Variants in FERMT3 observed in about 807,000 individuals in gnomAD.
FERMT3 encodes the protein FERM domain containing kindlin 3.
A neutral mutation model predicts 80.8 loss-of-function variants in FERMT3; 33 were observed. The observed-to-expected ratio is 0.41, with a 90% CI of 0.31 to 0.55. The LOEUF (loss-of-function observed/expected upper bound fraction) is 0.55. FERMT3 is among the 20% of genes least tolerant of loss of function. The pLI, the probability that FERMT3 is intolerant of heterozygous loss-of-function variation, is 0.31. For synonymous variants in FERMT3, 375 were observed against 372.2 expected (o/e 1.01, Z -0.09); for missense variants, 754 against 908.7 (o/e 0.83, Z 2.19).
Position 64,211,936 on chromosome 11 carries a change from C to T in FERMT3, c.786+189C>T, listed in dbSNP as rs1946452340. ...TCATCTACTCACCTCAGCATCAGGC[C>T]AGGTCCTGGGCCCCGGGCAGATGCT... On this transcript the variant is annotated intron_variant, in intron 6 of 14. Transcript: ENST00000345728. The surrounding 1 kb of genome is among the most constrained non-coding windows in gnomAD (Gnocchi z 4.7). Among the ~76,000 whole-genome samples, 1 of 152,196 alleles carries T rather than the reference C, an allele frequency of 6.6e-6. No individual in the cohort carries two copies.
rs75748649 is a variant in FERMT3, at chr11:64,215,483, C to T, written c.786+3736C>T. 1.1e-3 allele frequency among the ~76,000 whole-genome samples: 172 copies of T among 152,172 alleles called. 1 individual carries two copies. The highest frequency in any genetic ancestry group is 3.9e-3 in the African/African-American group (164 of 41,526). On this transcript the variant is annotated intron_variant, in intron 6 of 14. Coordinates refer to ENST00000345728, the MANE Select transcript of FERMT3 (RefSeq NM_031471.6). ...TAAATACATTGTGAATATATTTTCC[C>T]CCTCTGTGCTTTGCCTTTTAATTGT...
At chr11:64,213,697 A>G (rs1335011944) in intron 6 of FERMT3, among the ~76,000 whole-genome samples, 1 of 149,902 alleles carries the variant, frequency 6.7e-6, no homozygotes, top group Non-Finnish European at 1.5e-5. Context: ...AGCTGGGATT[A>G]CAGGCGTTGA....
rs370408444 is a variant in FERMT3, at chr11:64,219,302, C to A, written c.838C>A (p.Leu280Met). The A allele has an allele frequency of 1.1e-5, 17 of 1,609,472 alleles. No individual in the cohort carries two copies. The highest frequency in any genetic ancestry group is 1.1e-5 in the Non-Finnish European group (13 of 1,178,232). Reference protein sequence around the residue: ...QLYEQARWDLLLEEIDCTEEE... With the variant: ...QLYEQARWDLMLEEIDCTEEE... ...GTATGAGCAGGCCCGGTGGGACCTG[C>A]TGCTGGAGGAGATTGACTGCACCGA... is the stretch of plus-strand genomic sequence containing the variant. The change falls in exon 7 of 15, where the codon CTG becomes ATG. Residue 280 changes from leucine to methionine, a missense_variant. Coordinates refer to ENST00000345728, the MANE Select transcript of FERMT3 (RefSeq NM_031471.6). This position sits in a 1 kb window ranked among gnomAD's most constrained non-coding sequence, Gnocchi z 4.0.
rs371970022 is a variant in FERMT3, at chr11:64,207,635, G to A, written c.160+111G>A. The A allele has an allele frequency of 6.6e-5, 87 of 1,320,446 alleles. 2 individuals are homozygous for A. The East Asian group carries it at 7.4e-4, about 11-fold the overall frequency. 81.8% of individuals were successfully genotyped at this position (1,320,446 alleles called of 1,614,324 possible). ...GCTCAGCTCCCGATAATGGTGTCAC[G>A]GTGACTCAGGCATTAGCTTAATCAT... is the stretch of plus-strand genomic sequence containing the variant. On this transcript the variant is annotated intron_variant, in intron 2 of 14. Coordinates refer to ENST00000345728, the MANE Select transcript of FERMT3 (RefSeq NM_031471.6).
In FERMT3 at chr11:64,220,498, C is replaced by T. The variant is rs762230079; in HGVS notation, c.1374C>T (p.Ala458=). 2.7e-5 allele frequency: 44 copies of T among 1,608,452 alleles called. No homozygotes were observed. Among genetic ancestry groups the T allele is most frequent in the Middle Eastern group, 1.6e-4 (1 of 6,078 alleles). ...CRLASKGRTM[A]DSSYTSEVQA... ...TGGCCTCCAAAGGCCGCACCATGGC[C>T]GACAGCAGCTACACCAGCGAGGTGC... is the stretch of plus-strand genomic sequence containing the variant. Residue 458 remains alanine (A), a synonymous_variant, in exon 12 of 15, where the codon GCC becomes GCT. Transcript: ENST00000345728.
chr11:64,207,750 A>G (rs1591023013), intron 2 of FERMT3: 1 of 553,194 alleles, frequency 1.8e-6, no homozygotes, highest in African/African-American at 1.9e-5. Context: ...GCTAAGGATC[A>G]GACGCAGCCA....
Position 64,223,657 on chromosome 11 carries a change from A to T in FERMT3, c.*165A>T. On this transcript the variant is annotated 3_prime_UTR_variant, in exon 15 of 15. Transcript: ENST00000345728. ...CAGGCCAAGGACCTGGCAGGGCCAG[A>T]CGCTGTACCATCACCCAGGCCAGGG... 1 of 900,912 alleles carries T rather than the reference A, an allele frequency of 1.1e-6. No homozygotes were observed. The highest frequency in any genetic ancestry group is 1.7e-6 in the Non-Finnish European group (1 of 585,374). The allele number at this position is 900,912 out of a possible 1,614,324, so 55.8% of individuals were successfully genotyped here.
In FERMT3 at chr11:64,211,004, G is replaced by T; in HGVS notation, c.395-48G>T. The T allele has an allele frequency of 6.2e-7, 1 of 1,608,376 alleles. No individual in the cohort carries two copies. The highest frequency in any genetic ancestry group is 8.5e-7 in the Non-Finnish European group (1 of 1,177,818). On this transcript the variant is annotated intron_variant, in intron 3 of 14. Transcript: ENST00000345728. This position sits in a 1 kb window ranked among gnomAD's most constrained non-coding sequence, Gnocchi z 4.7. ...CCCAAGCACCCATGGGTGAGGTGGG[G>T]AGGCTGCAGCAGGACCTAGTCCCCG... is the stretch of plus-strand genomic sequence containing the variant.
At chr11:64,209,838 C>T (rs1946397738) in intron 2 of FERMT3, among the ~76,000 whole-genome samples, 1 of 152,174 alleles carries the variant, frequency 6.6e-6, no homozygotes, top group Non-Finnish European at 1.5e-5. Flanking sequence ...AGCTTTCCGG[C>T]AGCCTTTTTC....
Position 64,223,094 on chromosome 11 carries a change from C to G in FERMT3, c.1717C>G (p.Arg573Gly). 1 of 1,613,918 alleles carries G rather than the reference C, an allele frequency of 6.2e-7. No homozygotes were observed. Among genetic ancestry groups the G allele is most frequent in the Non-Finnish European group, 8.5e-7 (1 of 1,180,044 alleles). The part of the protein sequence containing the change: ...KDEILGIANN[R>G]LIRIDLAVGD... ...CGAGATCCTGGGCATCGCCAACAAC[C>G]GACTGATCCGCATCGACTTGGCCGT... Residue 573 changes from arginine to glycine, a missense_variant, in exon 14 of 15, where the codon CGA becomes GGA. Coordinates refer to ENST00000345728, the MANE Select transcript of FERMT3 (RefSeq NM_031471.6).
chr11:64,207,238 C>T, intron 1 of FERMT3, 113 bp from the exon 2 acceptor site: 2 of 1,287,310 alleles, frequency 1.6e-6, no homozygotes, highest in Non-Finnish European at 2.2e-6. Flanking sequence ...CTCCCGCCCT[C>T]CTTCATGAGC....
At position 64,210,294 on chromosome 11, in the gene FERMT3, C is replaced by G. The variant is rs982959053; in HGVS notation, c.161-317C>G. Among the ~76,000 whole-genome samples, 1 of 151,844 alleles carries G rather than the reference C, an allele frequency of 6.6e-6. No individual in the cohort carries two copies. Among genetic ancestry groups the G allele is most frequent in the Non-Finnish European group, 1.5e-5 (1 of 67,878 alleles). ...GTGGATTATGGGAGGACAGAGGGGG[C>G]GTCATGTGGAGGGAGCCCAGTGGGC... On this transcript the variant is annotated intron_variant, in intron 2 of 14. Coordinates refer to ENST00000345728, the MANE Select transcript of FERMT3 (RefSeq NM_031471.6). The surrounding 1 kb of genome is among the most constrained non-coding windows in gnomAD (Gnocchi z 4.3).
rs577691940 is a variant in FERMT3 at position 64,207,534 on chromosome 11, C to T, written c.160+10C>T. On this transcript the variant is annotated intron_variant, in intron 2 of 14. Coordinates refer to ENST00000345728, the MANE Select transcript of FERMT3 (RefSeq NM_031471.6). The stretch of plus-strand genomic sequence containing the variant: ...ATTGTGGAGCAGATCAGTGAGTGTC[C>T]GCTGCCCGCTTGCTGAACTCGGCAC... The T allele has an allele frequency of 4.0e-5, 64 of 1,593,330 alleles. No homozygotes were observed. In the East Asian group the frequency reaches 5.2e-4, roughly 13 times the overall value.
intron 1 of FERMT3, 116 bp from the exon 2 acceptor site, chr11:64,207,235 C>T: frequency 1.6e-6 from 2 of 1,245,378 alleles, no homozygotes; most frequent in Non-Finnish European, 2.3e-6. Context: ...TCACTCCCGC[C>T]CTCCTTCATG....
At chr11:64,222,131 C>T (rs978450703) in intron 13 of FERMT3, among the ~76,000 whole-genome samples, 34 of 151,212 alleles carry the variant, frequency 2.2e-4, no homozygotes, top group African/African-American at 6.3e-4. Flanking sequence ...CCCAGCTACT[C>T]GGGAGGCTGA....
At chr11:64,212,683 G>C (rs1277342017) in intron 6 of FERMT3, among the ~76,000 whole-genome samples, 2 of 151,520 alleles carry the variant, frequency 1.3e-5, no homozygotes, top group Non-Finnish European at 2.9e-5. Context: ...ACTCTGCCAG[G>C]CTCTGTGATG....
At chr11:64,217,595 C>T (rs901418021) in intron 6 of FERMT3, among the ~76,000 whole-genome samples, 5 of 152,176 alleles carry the variant, frequency 3.3e-5, no homozygotes, top group East Asian at 3.8e-4. Flanking sequence ...ACCCCCACCC[C>T]GTCCAGCTGT....
chr11:64,218,286 G>C (rs1359117845), intron 6 of FERMT3, among the ~76,000 whole-genome samples: 1 of 148,510 alleles, frequency 6.7e-6, no homozygotes, highest in African/African-American at 2.5e-5. Flanking sequence ...TTACAGGCGT[G>C]AGCCACTGCG....
In FERMT3 at chr11:64,210,602, G is replaced by A; in HGVS notation, c.161-9G>A. On this transcript the variant is annotated splice_polypyrimidine_tract_variant and intron_variant, in intron 2 of 14. Transcript: ENST00000345728. This position sits in a 1 kb window ranked among gnomAD's most constrained non-coding sequence, Gnocchi z 4.3. ...AGGTTGGACCCAGATGTGCCCCCGT[G>A]CCCCACAGATCGCAAGCAGGACTGG... The A allele has an allele frequency of 6.2e-7, 1 of 1,613,228 alleles. No individual in the cohort carries two copies. Among genetic ancestry groups the A allele is most frequent in the Non-Finnish European group, 8.5e-7 (1 of 1,179,262 alleles).
Sources: allele counts gnomAD v4.1 joint callset (sites outside exome capture counted in the v4.1 genomes callset), GRCh38; gene constraint gnomAD v4.1.1; non-coding constraint Gnocchi (gnomAD v3.1); transcripts MANE v1.5; gene names NCBI Gene and HGNC (gene_info 2026-07-23, HGNC 2026-07-21).